EFL1: variants seen among roughly 807,000 people sequenced by gnomAD.
EFL1 encodes elongation factor-like GTPase 1.
A neutral mutation model predicts 126.7 loss-of-function variants in EFL1; 76 were observed. The observed-to-expected ratio is 0.60, with a 90% confidence interval of 0.50 to 0.73. The LOEUF (loss-of-function observed/expected upper bound fraction) is 0.73. Among genes scored for constraint, EFL1 ranks in the 30% least tolerant of loss-of-function variants. The pLI is 0.00. For missense variants in EFL1, 1,128 were observed against 1,343.2 expected, an observed-to-expected ratio of 0.84 and a Z score of 2.50; for synonymous variants, 410 against 448.4, an observed-to-expected ratio of 0.91 and a Z score of 1.08.
chr15:82,184,882 G>A (rs1595968038), intron 15 of EFL1, among the ~76,000 whole-genome samples: 1 of 152,300 alleles, frequency 6.6e-6, no homozygotes, highest in East Asian at 1.9e-4. Flanking sequence ...GAAATGTAGA[G>A]TTTCATTATT....
At chr15:82,143,217 C>T (rs1295761785) in intron 18 of EFL1, among the ~76,000 whole-genome samples, 1 of 152,030 alleles carries the variant, frequency 6.6e-6, no homozygotes, top group East Asian at 1.9e-4. Context: ...AGATTACACG[C>T]AGAGGTTAAA....
In EFL1 at chr15:82,238,440, G is replaced by C; in HGVS notation, c.598C>G (p.Pro200Ala). The change falls in exon 7 of 20, where the codon CCA (proline) becomes GCA (alanine). Residue 200 changes from proline to alanine, a missense_variant. By Grantham distance (27) the Pro-to-Ala change is conservative. This residue lies in a region of EFL1 where 316 missense variants were observed against 318.5 expected (regional missense o/e 0.99). Coordinates refer to ENST00000268206, the MANE Select transcript of EFL1 (RefSeq NM_024580.6). ...ACTTGCTCTCCTTGTTCAGAATTTG[G>C]ATTCACTTGGGATTCAGTCTCCCTC... ...AERETESQVNPNSEQGEQVYD... is the reference protein window; with the variant it reads ...AERETESQVNANSEQGEQVYD... The C allele has an allele frequency of 6.2e-7, 1 of 1,614,120 alleles. No individual in the cohort carries two copies. The highest frequency in any genetic ancestry group is 8.5e-7 in the Non-Finnish European group (1 of 1,180,018).
At chr15:82,159,720 T>G (rs2074003678) in intron 16 of EFL1, among the ~76,000 whole-genome samples, 1 of 152,192 alleles carries the variant, frequency 6.6e-6, no homozygotes, top group Non-Finnish European at 1.5e-5. Flanking sequence ...AAAAATGGAC[T>G]GCCATCAGGA....
intron 17 of EFL1, among the ~76,000 whole-genome samples, chr15:82,154,961 T>C (rs1707186594): frequency 6.6e-6 from 1 of 152,158 alleles, no homozygotes; most frequent in African/African-American, 2.4e-5. Context: ...GAGGTCTTGC[T>C]ATGTTACCCA....
At chr15:82,149,175 T>G (rs555967538) in intron 18 of EFL1, among the ~76,000 whole-genome samples, 1 of 152,264 alleles carries the variant, frequency 6.6e-6, no homozygotes, top group Admixed American at 6.5e-5. Context: ...TTAAAATTTT[T>G]CTCCTGTTTA....
chr15:82,198,992 G>T (rs772089805), intron 15 of EFL1, among the ~76,000 whole-genome samples: 12 of 151,716 alleles, frequency 7.9e-5, no homozygotes, highest in Non-Finnish European at 1.3e-4. Flanking sequence ...AGCCAATAAA[G>T]ATTTCACTTT....
chr15:82,150,116 T>G (rs1016341094), intron 18 of EFL1, among the ~76,000 whole-genome samples: 1 of 152,214 alleles, frequency 6.6e-6, no homozygotes, highest in Admixed American at 6.5e-5. Flanking sequence ...AAGCACTGTA[T>G]ATGACATGCT....
chr15:82,172,910 A>G (rs1189056971), intron 15 of EFL1, among the ~76,000 whole-genome samples: 1 of 152,192 alleles, frequency 6.6e-6, no homozygotes, highest in Non-Finnish European at 1.5e-5. Context: ...TATTATACTG[A>G]TATTTTTGAA....
intron 8 of EFL1, among the ~76,000 whole-genome samples, chr15:82,230,232 C>G (rs2074806911): frequency 6.6e-6 from 1 of 152,078 alleles, no homozygotes; most frequent in East Asian, 1.9e-4. Flanking sequence ...TTTACTGTGG[C>G]TTTATACTTG....
chr15:82,239,652 G>A (rs1331100995), intron 6 of EFL1, among the ~76,000 whole-genome samples: 2 of 152,098 alleles, frequency 1.3e-5, no homozygotes, highest in African/African-American at 4.8e-5. Context: ...TCTTGTAACT[G>A]TTGCAAACGA....
In EFL1 at chr15:82,130,305, C is replaced by T. The variant is rs2073624175; in HGVS notation, c.*68G>A. ...GATAATGTGGCAAAAAGAAATTTTC[C>T]CAATATTAAACCCTTGATGATACTT... is the stretch of plus-strand genomic sequence containing the variant. On this transcript the variant is annotated 3_prime_UTR_variant, in exon 20 of 20. Coordinates refer to ENST00000268206, the MANE Select transcript of EFL1 (RefSeq NM_024580.6). 1.3e-6 allele frequency: 2 copies of T among 1,504,036 alleles called. No homozygotes were observed. The highest frequency in any genetic ancestry group is 1.8e-6 in the Non-Finnish European group (2 of 1,119,542). The allele number at this position is 1,504,036 out of a possible 1,614,324, so 93.2% of individuals were successfully genotyped here.
intron 19 of EFL1, among the ~76,000 whole-genome samples, chr15:82,137,527 G>C (rs2073734911): frequency 6.6e-6 from 1 of 152,180 alleles, no homozygotes; most frequent in African/African-American, 2.4e-5. Context: ...TCAGGAACTA[G>C]GTTAGATATT....
chr15:82,250,150 C>T (rs992116720), intron 4 of EFL1, among the ~76,000 whole-genome samples: 4 of 145,234 alleles, frequency 2.8e-5, no homozygotes, highest in Non-Finnish European at 6.0e-5. Context: ...ACCTTCAGAA[C>T]AGGAAATACC....
At chr15:82,158,712 A>G (rs1252312404) in intron 16 of EFL1, among the ~76,000 whole-genome samples, 2 of 152,382 alleles carry the variant, frequency 1.3e-5, no homozygotes, top group East Asian at 3.9e-4. Flanking sequence ...GATTTTCAAC[A>G]TGCCTTATAA....
chr15:82,159,962 G>A (rs1306227596), intron 16 of EFL1: 1 of 152,166 alleles, frequency 6.6e-6, no homozygotes, highest in Non-Finnish European at 1.5e-5. Flanking sequence ...AAGTGTTCAG[G>A]CAAGACCTTC....
In EFL1 at chr15:82,130,487, A is replaced by G. The variant is rs1376889942; in HGVS notation, c.3249T>C (p.Ser1083=). ...TCATGTACTTCCGGGCTTGGTTCTC[A>G]GAGTCAGCCTTCTCCCCAAAGTGCA... The part of the protein sequence containing the change: ...EYLHFGEKAD[S]ENQARKYMNA... Residue 1083 remains serine (S), a synonymous_variant, in exon 20 of 20, where the codon TCT becomes TCC. Coordinates refer to ENST00000268206, the MANE Select transcript of EFL1 (RefSeq NM_024580.6). 6.2e-7 allele frequency: 1 copy of G among 1,614,054 alleles called. No homozygotes were observed. Among genetic ancestry groups the G allele is most frequent in the Non-Finnish European group, 8.5e-7 (1 of 1,180,040 alleles).
intron 15 of EFL1, among the ~76,000 whole-genome samples, chr15:82,180,752 CT>C (rs981765094): frequency 1.6e-3 from 231 of 144,284 alleles, no homozygotes; most frequent in Non-Finnish European, 1.3e-3. Flanking sequence ...ATTTTTCTTT[CT>C]TTTTTTTTTT....
chr15:82,249,771 A>G (rs951145863), intron 4 of EFL1, among the ~76,000 whole-genome samples: 3 of 152,140 alleles, frequency 2.0e-5, no homozygotes, highest in African/African-American at 7.2e-5. Context: ...CGTAAAGATA[A>G]TAGAGGTTCC....
At position 82,138,840 on chromosome 15, in the gene EFL1, G is replaced by A. The variant is rs1377271871; in HGVS notation, c.2992C>T (p.Arg998Ter). ...CTCTTTGACAAGACAGCATAGACTC[G>A]ACCTGTAAAACCATAAATCTTTTAA... ...DIMATGDVLG[R>*]VYAVLSKREG... is the part of the protein sequence containing the mutation. The change falls in exon 19 of 20, where the codon CGA becomes TGA. Residue 998 changes from arginine to a stop codon, truncating the protein, a stop_gained and splice_region_variant. Transcript: ENST00000268206. LOFTEE classifies it high-confidence loss of function. 1 of 1,611,236 alleles carries A rather than the reference G, an allele frequency of 6.2e-7. No individual in the cohort carries two copies. Among genetic ancestry groups the A allele is most frequent in the Non-Finnish European group, 8.5e-7 (1 of 1,178,764 alleles).
Sources: gnomAD v4.1 joint callset for allele counts (sites outside exome capture counted in the v4.1 genomes callset) on GRCh38, gnomAD v4.1.1 for gene constraint, gnomAD v4.1.1 regional missense constraint, MANE v1.5 for transcripts, NCBI Gene and HGNC (gene_info 2026-07-23, HGNC 2026-07-21) for gene names.